The following SMPD3 variants were observed in gnomAD, a reference collection of about 807,000 sequenced individuals.
SMPD3 encodes nSMase-2.
SMPD3 carries 21 observed loss-of-function variants against 55.7 expected under a neutral mutation model. The observed-to-expected ratio is 0.38, with a 90% CI of 0.27 to 0.54. The LOEUF (loss-of-function observed/expected upper bound fraction) is 0.54, where lower values mean the gene tolerates loss of function less well. Ranked by LOEUF, SMPD3 falls within the 20% of genes least tolerant of loss-of-function variation. The pLI is 0.80. For synonymous variants in SMPD3, 457 were observed against 404.3 expected (o/e 1.13, Z -1.56); for missense variants, 842 against 899.6 (o/e 0.94, Z 0.82).
chr16:68,379,341 CTG>C (rs1185058908), intron 2 of SMPD3, among the ~76,000 whole-genome samples: 2 of 152,254 alleles, frequency 1.3e-5, no homozygotes, highest in Non-Finnish European at 2.9e-5. Context: ...GCTCAACTGA[CTG>C]TGCCTTAGTT....
At chr16:68,420,636 C>G (rs1340971146) in intron 1 of SMPD3, among the ~76,000 whole-genome samples, 1 of 152,228 alleles carries the variant, frequency 6.6e-6, no homozygotes, top group Non-Finnish European at 1.5e-5. Flanking sequence ...GCTTTTGAAC[C>G]AGCTGATCAG....
At position 68,371,583 on chromosome 16, in the gene SMPD3, A is replaced by G; in HGVS notation, c.599T>C (p.Val200Ala). ...PQGGDGVARAVPGSIKRTASV... is the reference protein window; with the variant it reads ...PQGGDGVARAAPGSIKRTASV... ...GGCTGTCCTCTTAATGCTCCCGGGG[A>G]CGGCCCGGGCCACCCCATCGCCGCC... is the stretch of plus-strand genomic sequence containing the variant. The change falls in exon 3 of 9, where the codon GTC (valine) becomes GCC (alanine). Residue 200 changes from valine (V) to alanine (A), a missense_variant. Val to Ala is a moderately conservative substitution (Grantham distance 64). Transcript: ENST00000219334. 6.3e-7 allele frequency: 1 copy of G among 1,580,100 alleles called. No individual in the cohort carries two copies. The highest frequency in any genetic ancestry group is 8.6e-7 in the Non-Finnish European group (1 of 1,163,956).
rs189801213 is a variant in SMPD3 at position 68,374,531 on chromosome 16, T to C, written c.-206-2144A>G. ...AATCTGGGACATGGGCATCTCACTC[T>C]GCGGCCAGTGCTCGTGGCTCAGTGC... On this transcript the variant is annotated intron_variant, in intron 2 of 8. Transcript: ENST00000219334. Among the ~76,000 whole-genome samples, 21 of 152,372 alleles carry C rather than the reference T, an allele frequency of 1.4e-4. No individual in the cohort carries two copies. The East Asian group carries it at 3.3e-3, about 24-fold the overall frequency.
At chr16:68,370,767 T>C (rs1379000814) in intron 3 of SMPD3, 92 bp downstream of exon 3, 2 of 1,513,128 alleles carry the variant, frequency 1.3e-6, no homozygotes, top group African/African-American at 2.8e-5. Context: ...CCAGCCCCCA[T>C]GACGATGAGG....
Position 68,375,191 on chromosome 16 carries a change from C to G in SMPD3, c.-206-2804G>C, listed in dbSNP as rs140214019. Among the ~76,000 whole-genome samples the G allele has an allele frequency of 9.7e-3, 1,478 of 152,196 alleles. 24 individuals carry two copies. The highest frequency in any genetic ancestry group is 0.033 in the African/African-American group (1,372 of 41,516). ...AGTGTGCAGCGGGTCCTCCCAGACACAGCCGATTCTCTCTCTCCCTTTGGT... is the reference window on the plus strand; with the variant it reads ...AGTGTGCAGCGGGTCCTCCCAGACAGAGCCGATTCTCTCTCTCCCTTTGGT... On this transcript the variant is annotated intron_variant, in intron 2 of 8. Transcript: ENST00000219334.
At chr16:68,375,836 G>T (rs1351394812) in intron 2 of SMPD3, among the ~76,000 whole-genome samples, 1 of 152,172 alleles carries the variant, frequency 6.6e-6, no homozygotes, top group African/African-American at 2.4e-5. Context: ...GGCAGGAGTG[G>T]CCCAAGATCA....
At chr16:68,419,100 G>C (rs1243346034) in intron 1 of SMPD3, among the ~76,000 whole-genome samples, 1 of 152,146 alleles carries the variant, frequency 6.6e-6, no homozygotes, top group Non-Finnish European at 1.5e-5. Context: ...AAGAAGTAGT[G>C]GCTAGGGGCC....
intron 7 of SMPD3, 110 bp from the exon 8 acceptor site, chr16:68,361,869 G>GGGTGGGGGGC: frequency 1.3e-6 from 1 of 769,506 alleles, no homozygotes; most frequent in Non-Finnish European, 1.9e-6. Context: ...GGGTGGGTGG[G>GGGTGGGGGGC]ACCAAAGCGC....
intron 2 of SMPD3, among the ~76,000 whole-genome samples, chr16:68,375,855 G>T (rs1228721769): frequency 6.6e-6 from 1 of 152,218 alleles, no homozygotes; most frequent in Admixed American, 6.5e-5. Context: ...CACTCCTCTA[G>T]GAAGTGGCAG....
chr16:68,435,860 G>A (rs2090519396), intron 1 of SMPD3, among the ~76,000 whole-genome samples: 1 of 152,242 alleles, frequency 6.6e-6, no homozygotes. Context: ...GGCTACTGGG[G>A]AGGGTGGTGA....
intron 1 of SMPD3, among the ~76,000 whole-genome samples, chr16:68,412,203 G>A (rs1450656276): frequency 2.0e-5 from 3 of 152,198 alleles, no homozygotes; most frequent in African/African-American, 4.8e-5. Flanking sequence ...GGAATGAGCA[G>A]TTGGTGGGGA....
At chr16:68,415,557 T>A (rs1429519774) in intron 1 of SMPD3, among the ~76,000 whole-genome samples, 1 of 152,244 alleles carries the variant, frequency 6.6e-6, no homozygotes, top group Admixed American at 6.5e-5. Flanking sequence ...GGCTTAAAAT[T>A]TCTTTCTTCC....
Position 68,361,138 on chromosome 16 carries a change from G to T in SMPD3, c.*68C>A. On this transcript the variant is annotated 3_prime_UTR_variant, in exon 9 of 9. Transcript: ENST00000219334. Reference sequence around the variant, plus strand: ...TCCCCCAAGCACCGGGCACTCGATGGAGGGGACATGGCCCAGGGATGGGCT... The same window carrying T: ...TCCCCCAAGCACCGGGCACTCGATGTAGGGGACATGGCCCAGGGATGGGCT... 1 of 1,445,302 alleles carries T rather than the reference G, an allele frequency of 6.9e-7. No individual in the cohort carries two copies. The highest frequency in any genetic ancestry group is 2.4e-5 in the East Asian group (1 of 41,748). The allele number at this position is 1,445,302 out of a possible 1,614,324, so 89.5% of individuals were successfully genotyped here.
At chr16:68,419,375 G>C (rs1346556797) in intron 1 of SMPD3, among the ~76,000 whole-genome samples, 1 of 152,198 alleles carries the variant, frequency 6.6e-6, no homozygotes. Context: ...CCTTCCTTTG[G>C]GGGATCAGCC....
chr16:68,403,799 C>A (rs1193377341), intron 1 of SMPD3, among the ~76,000 whole-genome samples: 1 of 152,198 alleles, frequency 6.6e-6, no homozygotes, highest in Non-Finnish European at 1.5e-5. Context: ...TTGAAGAATA[C>A]CCTGACAAAT....
At chr16:68,437,933 A>T (rs75362813) in intron 1 of SMPD3, among the ~76,000 whole-genome samples, 2,524 of 152,322 alleles carry the variant, frequency 0.017, 45 homozygotes, top group South Asian at 0.055. Flanking sequence ...TCAAGATGGC[A>T]GGTCCAAAAA....
At chr16:68,362,864 T>C (rs750598627) in intron 7 of SMPD3, among the ~76,000 whole-genome samples, 1 of 152,260 alleles carries the variant, frequency 6.6e-6, no homozygotes, top group Non-Finnish European at 1.5e-5. Flanking sequence ...CATAGGATGA[T>C]GTTTCAAATT....
At chr16:68,432,572 A>G (rs548446705) in intron 1 of SMPD3, among the ~76,000 whole-genome samples, 1 of 152,268 alleles carries the variant, frequency 6.6e-6, no homozygotes, top group Non-Finnish European at 1.5e-5. Context: ...TCTCATCCTT[A>G]CTTGTTTTAC....
intron 6 of SMPD3, 86 bp downstream of exon 6, chr16:68,363,691 G>T (rs1453074142): frequency 2.1e-5 from 30 of 1,433,506 alleles, no homozygotes; most frequent in Middle Eastern, 4.3e-4. Context: ...CCCAGCAGTG[G>T]GGTCTTGTGG....
Sources: allele counts gnomAD v4.1 joint callset (sites outside exome capture counted in the v4.1 genomes callset), GRCh38; gene constraint gnomAD v4.1.1; transcripts MANE v1.5; gene names NCBI Gene and HGNC (gene_info 2026-07-23, HGNC 2026-07-21).